Variants in WDR93 observed in about 807,000 individuals in gnomAD.
WDR93 encodes the protein WD repeat domain 93, also known as WD repeat-containing protein 93.
A neutral mutation model predicts 82.9 loss-of-function variants in WDR93; 73 were observed. That is an observed-to-expected ratio of 0.88 (90% CI 0.73 to 1.07). WDR93 has a LOEUF of 1.07. WDR93 is among the 50% of genes least tolerant of loss of function. The pLI, the probability that WDR93 is intolerant of heterozygous loss-of-function variation, is 0.00. For missense variants in WDR93, 738 were observed against 826.0 expected (o/e 0.89, Z 1.31); for synonymous variants, 283 against 300.1 (o/e 0.94, Z 0.59).
At chr15:89,718,628 C>CA (rs1188388296) in intron 7 of WDR93, among the ~76,000 whole-genome samples, 1 of 151,824 alleles carries the variant, frequency 6.6e-6, no homozygotes, top group Non-Finnish European at 1.5e-5. Context: ...CCCTGTCTCA[C>CA]AAAAAATAAT....
At chr15:89,690,773 C>T, upstream of WDR93, 1 of 588,338 alleles carries the variant, frequency 1.7e-6, no homozygotes, top group Non-Finnish European at 2.9e-6. Context: ...AGGGGGCGGG[C>T]ACACTTTCTG....
chr15:89,723,253 A>G (rs2141666109), intron 8 of WDR93, among the ~76,000 whole-genome samples: 1 of 151,916 alleles, frequency 6.6e-6, no homozygotes, highest in East Asian at 1.9e-4. Flanking sequence ...TGGTACACTC[A>G]TACAAAAGAA....
intron 16 of WDR93, among the ~76,000 whole-genome samples, chr15:89,738,834 G>T (rs1967423518): frequency 6.6e-6 from 1 of 151,888 alleles, no homozygotes; most frequent in African/African-American, 2.4e-5. Context: ...GTATGTTTAG[G>T]CCAGGCCCGG....
At chr15:89,690,731 T>A, upstream of WDR93, 1 of 829,540 alleles carries the variant, frequency 1.2e-6, no homozygotes, top group Middle Eastern at 3.4e-4. Context: ...GGTTATCCGC[T>A]GAGGGGGAGG....
chr15:89,703,303 C>T (rs1965564162), intron 3 of WDR93, 161 bp downstream of exon 3: 1 of 733,812 alleles, frequency 1.4e-6, no homozygotes, highest in African/African-American at 1.8e-5. Flanking sequence ...GGGTCAGATA[C>T]TGTTCTACCA....
chr15:89,705,531 T>C, intron 3 of WDR93, 23 bp from the exon 4 acceptor site: 1 of 1,359,378 alleles, frequency 7.4e-7, no homozygotes. Context: ...GTCTTAACAT[T>C]CTCACTTATT....
chr15:89,726,700 TA>T (rs1162760027), intron 8 of WDR93, among the ~76,000 whole-genome samples: 3 of 152,114 alleles, frequency 2.0e-5, no homozygotes, highest in Non-Finnish European at 4.4e-5. Flanking sequence ...GGTAATTGGG[TA>T]AATGTTGGCA....
intron 5 of WDR93, among the ~76,000 whole-genome samples, chr15:89,714,745 T>C (rs1966164167): frequency 6.6e-6 from 1 of 152,160 alleles, no homozygotes; most frequent in Non-Finnish European, 1.5e-5. Context: ...CCCCTGTTTC[T>C]CTTAGATAGG....
At chr15:89,720,469 C>T in intron 7 of WDR93, among the ~76,000 whole-genome samples, 1 of 152,088 alleles carries the variant, frequency 6.6e-6, no homozygotes, top group Non-Finnish European at 1.5e-5. Context: ...GATGGGGTTT[C>T]ACCATATTGG....
intron 3 of WDR93, 77 bp from the exon 4 acceptor site, chr15:89,705,477 A>C: frequency 2.2e-6 from 2 of 894,824 alleles, no homozygotes. Context: ...TAAGTTCACA[A>C]AGTCCAATAT....
At chr15:89,738,599 C>T (rs190406074) in intron 16 of WDR93, among the ~76,000 whole-genome samples, 7 of 147,736 alleles carry the variant, frequency 4.7e-5, no homozygotes, top group Non-Finnish European at 8.9e-5. Flanking sequence ...TGCACTCCAG[C>T]CTAGGTGACA....
At chr15:89,697,834 C>T (rs2141584913) in intron 1 of WDR93, among the ~76,000 whole-genome samples, 1 of 150,980 alleles carries the variant, frequency 6.6e-6, no homozygotes, top group East Asian at 1.9e-4. Flanking sequence ...GGTGCATAAA[C>T]ATTTAGGACT....
At chr15:89,690,666 G>A (rs1170137470), upstream of WDR93, 2 of 1,523,248 alleles carry the variant, frequency 1.3e-6, no homozygotes, top group African/African-American at 1.4e-5. Flanking sequence ...GTCGCACGGG[G>A]CTCAGGCGTG....
intron 4 of WDR93, among the ~76,000 whole-genome samples, chr15:89,707,848 C>T (rs556193456): frequency 1.8e-4 from 28 of 152,294 alleles, no homozygotes; most frequent in Non-Finnish European, 3.7e-4. Flanking sequence ...CGTGAATGTT[C>T]ATAGCAGCTT....
chr15:89,707,567 G>C (rs1351855889), intron 4 of WDR93, among the ~76,000 whole-genome samples: 2 of 151,546 alleles, frequency 1.3e-5, no homozygotes, highest in African/African-American at 4.9e-5. Context: ...GATACACACA[G>C]AGACACAGAC....
chr15:89,716,828 A>G lies in WDR93; in HGVS notation c.757-83A>G, dbSNP rs987163114. ...TCACTCACAAGAGTAATTGAGGGGA[A>G]GAGAGAGCATGCCAGAAGATTAAAG... On this transcript the variant is annotated intron_variant, in intron 6 of 16. Coordinates refer to ENST00000268130, the MANE Select transcript of WDR93 (RefSeq NM_020212.2). The G allele has an allele frequency of 7.6e-5, 73 of 961,382 alleles. 1 individual carries two copies. Among genetic ancestry groups the G allele is most frequent in the Non-Finnish European group, 1.1e-4 (70 of 626,560 alleles). The allele number at this position is 961,382 out of a possible 1,614,324, so 59.6% of individuals were successfully genotyped here.
chr15:89,709,245 C>G (rs1165310045), intron 4 of WDR93, among the ~76,000 whole-genome samples: 3 of 152,108 alleles, frequency 2.0e-5, no homozygotes, highest in Non-Finnish European at 4.4e-5. Context: ...AATCCTAAAC[C>G]CCACTGTGGC....
intron 16 of WDR93, among the ~76,000 whole-genome samples, chr15:89,739,129 AAAAGT>A (rs1421285365): frequency 1.3e-5 from 2 of 152,068 alleles, no homozygotes; most frequent in African/African-American, 4.8e-5. Context: ...AAAAAAAAAA[AAAAGT>A]ATGTTTGGAT....
intron 15 of WDR93, 35 bp from the exon 16 acceptor site, chr15:89,738,006 G>A (rs749437934): frequency 3.2e-6 from 5 of 1,568,994 alleles, no homozygotes; most frequent in South Asian, 2.4e-5. Flanking sequence ...GAAAGCGATT[G>A]TTACACAGAA....
Sources: allele counts gnomAD v4.1 joint callset (sites outside exome capture counted in the v4.1 genomes callset), GRCh38; gene constraint gnomAD v4.1.1; transcripts MANE v1.5; gene names NCBI Gene and HGNC (gene_info 2026-07-23, HGNC 2026-07-21).